The following ADGRL3 variants were observed in gnomAD, a reference collection of about 807,000 sequenced individuals.
The protein encoded by ADGRL3 is adhesion G protein-coupled receptor L3, also known as calcium-independent alpha-latrotoxin receptor 3.
A neutral mutation model predicts 153.5 loss-of-function variants in ADGRL3; 62 were observed. The observed-to-expected ratio is 0.40, with a 90% CI of 0.33 to 0.50. ADGRL3 has a LOEUF of 0.50. Ranked by LOEUF, ADGRL3 falls within the 20% of genes least tolerant of loss-of-function variation. The pLI is 0.47. For missense variants in ADGRL3, 1,641 were observed against 1,859.4 expected, an observed-to-expected ratio of 0.88 and a Z score of 2.16; for synonymous variants, 710 against 672.5, an observed-to-expected ratio of 1.06 and a Z score of -0.86.
intron 13 of ADGRL3, 139 bp from the exon 14 acceptor site, chr4:61,934,701 G>T: frequency 1.7e-6 from 1 of 579,800 alleles, no homozygotes. Flanking sequence ...GCTGCAGCAT[G>T]TCACAGGGGA....
At chr4:61,428,301 A>G (rs1399488220) in intron 2 of ADGRL3, 2 of 152,314 alleles carry the variant, frequency 1.3e-5, no homozygotes, top group African/African-American at 4.8e-5. Context: ...CCCACTCATA[A>G]CATGGTTACA....
At chr4:61,395,913 A>G (rs899174171) in intron 2 of ADGRL3, among the ~76,000 whole-genome samples, 1 of 151,854 alleles carries the variant, frequency 6.6e-6, no homozygotes, top group African/African-American at 2.4e-5. Context: ...TTGTTATCCC[A>G]CCTGTTGAGA....
intron 19 of ADGRL3, among the ~76,000 whole-genome samples, chr4:61,984,543 G>A (rs1477215025): frequency 6.6e-6 from 1 of 152,074 alleles, no homozygotes; most frequent in Non-Finnish European, 1.5e-5. Context: ...CTCCAGCCTG[G>A]ATGACAGAGT....
chr4:61,778,772 T>G (rs116737193), intron 8 of ADGRL3, among the ~76,000 whole-genome samples: 4,163 of 152,310 alleles, frequency 0.027, 84 homozygotes, highest in Non-Finnish European at 0.041. Flanking sequence ...AAAAATCATT[T>G]GTAAGCTGGG....
chr4:61,781,035 A>C (rs1265743072), intron 8 of ADGRL3, among the ~76,000 whole-genome samples: 1 of 152,204 alleles, frequency 6.6e-6, no homozygotes, highest in African/African-American at 2.4e-5. Context: ...ATGCATGAAA[A>C]TGTTGTCTCA....
At chr4:61,627,867 T>C (rs541335818) in intron 5 of ADGRL3, among the ~76,000 whole-genome samples, 2 of 152,238 alleles carry the variant, frequency 1.3e-5, no homozygotes, top group South Asian at 4.2e-4. Context: ...TTGAAGATTA[T>C]CTGAGTCACT....
intron 13 of ADGRL3, among the ~76,000 whole-genome samples, chr4:61,913,577 A>G (rs2098732042): frequency 6.6e-6 from 1 of 152,208 alleles, no homozygotes; most frequent in South Asian, 2.1e-4. Flanking sequence ...TGGCAGTTTA[A>G]AAACAAAACT....
intron 9 of ADGRL3, among the ~76,000 whole-genome samples, chr4:61,888,542 C>T (rs764279611): frequency 2.6e-5 from 4 of 152,188 alleles, no homozygotes; most frequent in Non-Finnish European, 5.9e-5. Context: ...AGTACCTATT[C>T]TGCCAAAAGT....
In ADGRL3 at chr4:61,201,036, T is replaced by A. The variant is rs1266558691; in HGVS notation, c.-969T>A. On this transcript the variant is annotated 5_prime_UTR_variant, in exon 1 of 27. Transcript: ENST00000683033. Reference sequence around the variant, plus strand: ...GCGGGCTTGAGAGGGGACCCTCGGCTGGGAGAGAGCCTCGGGAGGACGAAG... The same window carrying A: ...GCGGGCTTGAGAGGGGACCCTCGGCAGGGAGAGAGCCTCGGGAGGACGAAG... 1.3e-5 allele frequency among the ~76,000 whole-genome samples: 2 copies of A among 152,112 alleles called. No homozygotes were observed. The highest frequency in any genetic ancestry group is 2.9e-5 in the Non-Finnish European group (2 of 68,002).
chr4:61,360,496 T>TA (rs1172737130), intron 1 of ADGRL3, among the ~76,000 whole-genome samples: 1 of 152,088 alleles, frequency 6.6e-6, no homozygotes, highest in Non-Finnish European at 1.5e-5. Context: ...GGCTCAAATT[T>TA]AAAAAAATTC....
intron 1 of ADGRL3, among the ~76,000 whole-genome samples, chr4:61,260,973 C>G (rs564044570): frequency 6.6e-6 from 1 of 152,156 alleles, no homozygotes; most frequent in Admixed American, 6.5e-5. Context: ...AGATCCTCCC[C>G]TCTTGGCATC....
At chr4:61,474,555 G>T (rs1043816497) in intron 2 of ADGRL3, among the ~76,000 whole-genome samples, 3 of 151,912 alleles carry the variant, frequency 2.0e-5, no homozygotes, top group Non-Finnish European at 2.9e-5. Context: ...TGCCCTAAAG[G>T]GTTTTTTAAG....
intron 8 of ADGRL3, among the ~76,000 whole-genome samples, chr4:61,744,390 G>A (rs2096625165): frequency 1.3e-5 from 2 of 152,188 alleles, no homozygotes; most frequent in Admixed American, 1.3e-4. Flanking sequence ...CTGGAGATCT[G>A]AGAACGGGCA....
intron 8 of ADGRL3, among the ~76,000 whole-genome samples, chr4:61,735,541 C>T (rs550396848): frequency 6.6e-6 from 1 of 152,194 alleles, no homozygotes; most frequent in East Asian, 1.9e-4. Context: ...CTAGAATATT[C>T]TGAGAAGACA....
intron 25 of ADGRL3, chr4:62,063,781 T>C (rs779749957): frequency 6.5e-6 from 3 of 460,200 alleles, no homozygotes; most frequent in South Asian, 4.9e-5. Flanking sequence ...TCTTGGTGCT[T>C]TTATTTTCCA....
At chr4:61,794,302 C>T (rs1395337871) in intron 8 of ADGRL3, among the ~76,000 whole-genome samples, 2 of 152,190 alleles carry the variant, frequency 1.3e-5, no homozygotes, top group African/African-American at 4.8e-5. Context: ...GGTCATTTTG[C>T]TCTCACAAGA....
At chr4:62,017,076 A>G (rs2099215485) in intron 21 of ADGRL3, among the ~76,000 whole-genome samples, 1 of 152,064 alleles carries the variant, frequency 6.6e-6, no homozygotes, top group South Asian at 2.1e-4. Context: ...AATAGATAGA[A>G]CAACTTTTCT....
chr4:61,200,907 G>A lies in ADGRL3; in HGVS notation c.-1098G>A, dbSNP rs1734465418. Reference sequence around the variant, plus strand: ...ACGGGCTCGGGGTTCGCCGGCCCCCGGGACGCAGCCCTCGGCGGCCGGGCG... The same window carrying A: ...ACGGGCTCGGGGTTCGCCGGCCCCCAGGACGCAGCCCTCGGCGGCCGGGCG... On this transcript the variant is annotated 5_prime_UTR_variant, in exon 1 of 27. Coordinates refer to ENST00000683033, the MANE Select transcript of ADGRL3 (RefSeq NM_001387552.1). Among the ~76,000 whole-genome samples, 1 of 151,678 alleles carries A rather than the reference G, an allele frequency of 6.6e-6. No individual in the cohort carries two copies. The highest frequency in any genetic ancestry group is 1.5e-5 in the Non-Finnish European group (1 of 67,892).
chr4:61,278,173 T>G (rs2093562929), intron 1 of ADGRL3, among the ~76,000 whole-genome samples: 1 of 152,188 alleles, frequency 6.6e-6, no homozygotes, highest in Admixed American at 6.5e-5. Flanking sequence ...TATAACTGGC[T>G]TTGGCTGCCT....
Sources: gnomAD v4.1 joint callset for allele counts (sites outside exome capture counted in the v4.1 genomes callset) on GRCh38, gnomAD v4.1.1 for gene constraint, MANE v1.5 for transcripts, NCBI Gene and HGNC (gene_info 2026-07-23, HGNC 2026-07-21) for gene names.